TPD52: variants seen among roughly 807,000 people sequenced by gnomAD.
TPD52 encodes the protein prostate and colon associated protein.
TPD52 carries 17 observed loss-of-function variants against 31.3 expected under a neutral mutation model. The ratio of observed to expected loss-of-function variants is 0.54; its 90% CI spans 0.37 to 0.82. The LOEUF is 0.82. TPD52 is among the 40% of genes least tolerant of loss of function. The pLI is 0.00. For missense variants in TPD52, 212 were observed against 240.1 expected (o/e 0.88, Z 0.77); for synonymous variants, 83 against 89.6 (o/e 0.93, Z 0.42).
At chr8:80,031,280 C>A (rs554499313), downstream of TPD52, among the ~76,000 whole-genome samples, 6 of 152,268 alleles carry the variant, frequency 3.9e-5, no homozygotes, top group East Asian at 1.2e-3. Context: ...CTGATGCTCT[C>A]TAATGGTACA....
At chr8:80,074,868 A>G (rs1814336702) in intron 1 of TPD52, among the ~76,000 whole-genome samples, 1 of 152,242 alleles carries the variant, frequency 6.6e-6, no homozygotes, top group South Asian at 2.1e-4. Flanking sequence ...CGAGTTGGGT[A>G]ATTGTAGTCA....
intron 1 of TPD52, among the ~76,000 whole-genome samples, chr8:80,138,211 G>C (rs987082298): frequency 2.0e-5 from 3 of 152,182 alleles, no homozygotes; most frequent in Non-Finnish European, 4.4e-5. Flanking sequence ...CCAAAGTGCT[G>C]AGATAACAGG....
At chr8:80,065,879 C>G (rs1002427036) in intron 1 of TPD52, among the ~76,000 whole-genome samples, 3 of 151,632 alleles carry the variant, frequency 2.0e-5, no homozygotes, top group Admixed American at 2.0e-4. Context: ...CTGCCTTACC[C>G]TAGGCTTCAG....
At chr8:80,112,755 A>AC (rs11386656) in intron 1 of TPD52, among the ~76,000 whole-genome samples, 67,484 of 151,726 alleles carry the variant, frequency 0.44, 15,473 homozygotes, top group East Asian at 0.79. Context: ...CAACCCCCCA[A>AC]CCCATTCAAC....
At chr8:80,123,249 T>C (rs1808381183) in intron 1 of TPD52, 1 of 152,246 alleles carries the variant, frequency 6.6e-6, no homozygotes, top group African/African-American at 2.4e-5. Flanking sequence ...TATGTGAAGA[T>C]GAGGTCCTGA....
chr8:80,081,372 T>G (rs184605834), intron 1 of TPD52, among the ~76,000 whole-genome samples: 1 of 152,096 alleles, frequency 6.6e-6, no homozygotes, highest in Non-Finnish European at 1.5e-5. Flanking sequence ...GTCACCAAAT[T>G]TATTTCCTTT....
chr8:80,138,464 T>C (rs1032448377), intron 1 of TPD52, among the ~76,000 whole-genome samples: 3 of 152,118 alleles, frequency 2.0e-5, no homozygotes, highest in Non-Finnish European at 2.9e-5. Flanking sequence ...TGGCTTATGG[T>C]TTGCAATTAT....
intron 1 of TPD52, among the ~76,000 whole-genome samples, chr8:80,115,742 C>CT (rs1176213485): frequency 6.6e-6 from 1 of 152,156 alleles, no homozygotes; most frequent in East Asian, 1.9e-4. Flanking sequence ...CTAACAGAGC[C>CT]TATTTATATG....
In TPD52 at chr8:80,062,270, G is replaced by A. The variant is rs139506524; in HGVS notation, c.135+2208C>T. On this transcript the variant is annotated intron_variant, in intron 2 of 7. Transcript: ENST00000518937. ...CCAGAAATAAACCTATACATCTATG[G>A]TTAACTGATTTTTTTTCTTTTTTAA... is the stretch of plus-strand genomic sequence containing the variant. Among the ~76,000 whole-genome samples the A allele has an allele frequency of 9.4e-3, 1,429 of 152,240 alleles. 13 individuals are homozygous for A. Among genetic ancestry groups the A allele is most frequent in the South Asian group, 0.027 (131 of 4,826 alleles).
Position 80,112,446 on chromosome 8 carries a change from G to A in TPD52, c.20-47853C>T, listed in dbSNP as rs1451663984. Among the ~76,000 whole-genome samples, 5 of 152,076 alleles carry A rather than the reference G, an allele frequency of 3.3e-5. No individual in the cohort carries two copies. The East Asian group carries it at 9.6e-4, about 29-fold the overall frequency. On this transcript the variant is annotated intron_variant, in intron 1 of 7. Coordinates refer to ENST00000518937, the MANE Select transcript of TPD52 (RefSeq NM_001025253.3). The stretch of plus-strand genomic sequence containing the variant: ...CTATCTTGCTCTTCCTCCAAGATTT[G>A]GGGCAGGTCCCAGGCATCTCTATGT...
chr8:80,078,987 T>C (rs1474955201), intron 1 of TPD52, among the ~76,000 whole-genome samples: 5 of 152,176 alleles, frequency 3.3e-5, no homozygotes, highest in Non-Finnish European at 5.9e-5. Context: ...GGAATCTGGA[T>C]GCTTGCACAC....
At chr8:80,162,467 C>T (rs73252135) in intron 1 of TPD52, among the ~76,000 whole-genome samples, 2,661 of 151,896 alleles carry the variant, frequency 0.018, 80 homozygotes, top group African/African-American at 0.06. Context: ...AGGAAACAGA[C>T]AAATTGAAGC....
chr8:80,147,427 C>T (rs998548382), intron 1 of TPD52, among the ~76,000 whole-genome samples: 1 of 152,170 alleles, frequency 6.6e-6, no homozygotes, highest in South Asian at 2.1e-4. Flanking sequence ...AAACTCTCAA[C>T]AGAGTTCAGC....
chr8:80,127,149 A>C (rs1808676322), intron 1 of TPD52, among the ~76,000 whole-genome samples: 1 of 152,148 alleles, frequency 6.6e-6, no homozygotes, highest in Non-Finnish European at 1.5e-5. Flanking sequence ...TGTTAAAAGA[A>C]ATTTTGTACA....
chr8:80,131,888 C>T (rs190563262), intron 1 of TPD52, among the ~76,000 whole-genome samples: 156 of 152,192 alleles, frequency 1.0e-3, no homozygotes, highest in African/African-American at 3.4e-3. Context: ...TAGTTAAGAA[C>T]GCAGCTGTCA....
At chr8:80,043,788 G>C (rs1810588802) in intron 6 of TPD52, among the ~76,000 whole-genome samples, 1 of 152,222 alleles carries the variant, frequency 6.6e-6, no homozygotes, top group South Asian at 2.1e-4. Flanking sequence ...AAATGTCACA[G>C]TGGGATGGGG....
chr8:80,121,637 A>T (rs1563641757), intron 1 of TPD52, among the ~76,000 whole-genome samples: 1 of 152,202 alleles, frequency 6.6e-6, no homozygotes, highest in Non-Finnish European at 1.5e-5. Flanking sequence ...AACTCTGTAC[A>T]TCTGTTACAG....
rs552053358 is a variant in TPD52 at position 80,115,246 on chromosome 8, G to A, written c.20-50653C>T. ...CAATCTGCAGACTGAAGACAGGCTT[G>A]GCAGAAAGTCTCCGCCCGTCTACAG... On this transcript the variant is annotated intron_variant, in intron 1 of 7. Coordinates refer to ENST00000518937, the MANE Select transcript of TPD52 (RefSeq NM_001025253.3). Among the ~76,000 whole-genome samples the A allele has an allele frequency of 3.3e-5, 5 of 152,242 alleles. No homozygotes were observed. The East Asian group carries it at 9.7e-4, about 29-fold the overall frequency.
At chr8:80,041,890 C>A (rs956660174) in intron 7 of TPD52, among the ~76,000 whole-genome samples, 2 of 152,156 alleles carry the variant, frequency 1.3e-5, no homozygotes, top group Middle Eastern at 3.4e-3. Context: ...GAGATGGAGA[C>A]CATTCTGGCT....
Sources: gnomAD v4.1 joint callset for allele counts (sites outside exome capture counted in the v4.1 genomes callset) on GRCh38, gnomAD v4.1.1 for gene constraint, MANE v1.5 for transcripts, NCBI Gene and HGNC (gene_info 2026-07-23, HGNC 2026-07-21) for gene names.